Variants in UPP2 observed in about 807,000 individuals in gnomAD.
UPP2 encodes the protein uridine phosphorylase 2, also known as UPase 2.
UPP2 carries 23 observed loss-of-function variants against 26.7 expected under a neutral mutation model. The observed-to-expected ratio is 0.86, with a 90% CI of 0.62 to 1.22. The LOEUF (loss-of-function observed/expected upper bound fraction) is 1.22, where lower values mean the gene tolerates loss of function less well. Ranked by LOEUF, UPP2 falls within the 50% of genes most tolerant of loss-of-function variation. The probability of loss-of-function intolerance (pLI) is 0.00; values close to 1 mark genes in which losing one functional copy is unlikely to be tolerated. For missense variants in UPP2, 387 were observed against 396.7 expected (o/e 0.98, Z 0.21); for synonymous variants, 127 against 141.3 (o/e 0.90, Z 0.72).
intron 5 of UPP2, 109 bp downstream of exon 5, chr2:158,121,727 T>C (rs1191461233): frequency 1.9e-6 from 2 of 1,051,892 alleles, no homozygotes; most frequent in African/African-American, 3.2e-5. Context: ...TTAATATTTG[T>C]GGGTTAAAAA....
chr2:158,067,695 A>G (rs1213838747), intron 3 of UPP2, among the ~76,000 whole-genome samples: 3 of 152,148 alleles, frequency 2.0e-5, no homozygotes, highest in Non-Finnish European at 4.4e-5. Flanking sequence ...CCCCAGAATA[A>G]TTCCTGAAAC....
intron 2 of UPP2, among the ~76,000 whole-genome samples, chr2:158,009,279 T>C (rs560485709): frequency 4.6e-5 from 7 of 152,132 alleles, no homozygotes; most frequent in African/African-American, 1.7e-4. Flanking sequence ...TTCTGCTTTG[T>C]CCTTGAATTC....
intron 3 of UPP2, among the ~76,000 whole-genome samples, chr2:158,096,463 G>C (rs1682986873): frequency 6.6e-6 from 1 of 152,160 alleles, no homozygotes; most frequent in African/African-American, 2.4e-5. Flanking sequence ...GCTGGGCATG[G>C]TGGCACAGGC....
intron 3 of UPP2, among the ~76,000 whole-genome samples, chr2:158,018,862 C>T (rs1683701121): frequency 6.6e-6 from 1 of 152,150 alleles, no homozygotes; most frequent in African/African-American, 2.4e-5. Context: ...TAACAGCTCC[C>T]AGATGTCGAA....
chr2:158,135,141 T>G lies in UPP2; in HGVS notation c.*251T>G. 2 of 345,662 alleles carry G rather than the reference T, an allele frequency of 5.8e-6. No homozygotes were observed. The highest frequency in any genetic ancestry group is 1.2e-4 in the East Asian group (2 of 16,538). The allele number at this position is 345,662 out of a possible 1,614,324, so 21.4% of individuals were successfully genotyped here. ...TAATTAAAATTTTAAAACTCCTGGA[T>G]TATGACATTTGGAGTTTCATATGCA... On this transcript the variant is annotated 3_prime_UTR_variant, in exon 7 of 7. Coordinates refer to ENST00000005756, the MANE Select transcript of UPP2 (RefSeq NM_173355.4).
chr2:158,049,073 C>T (rs1284923632), intron 3 of UPP2, among the ~76,000 whole-genome samples: 1 of 152,186 alleles, frequency 6.6e-6, no homozygotes, highest in African/African-American at 2.4e-5. Flanking sequence ...TCCGCTTGCC[C>T]ACCCCTCATC....
At chr2:158,077,989 C>T (rs184252667) in intron 3 of UPP2, among the ~76,000 whole-genome samples, 103 of 151,932 alleles carry the variant, frequency 6.8e-4, no homozygotes, top group Admixed American at 2.9e-3. Flanking sequence ...ATGGACATTT[C>T]GCAAAAGAAG....
chr2:158,061,222 C>T (rs1429808021), intron 3 of UPP2, among the ~76,000 whole-genome samples: 1 of 152,190 alleles, frequency 6.6e-6, no homozygotes, highest in Non-Finnish European at 1.5e-5. Flanking sequence ...GATCTATCTT[C>T]CCATGTGGCA....
chr2:158,027,718 T>C (rs1160354161), intron 3 of UPP2, among the ~76,000 whole-genome samples: 3 of 152,188 alleles, frequency 2.0e-5, no homozygotes, highest in Admixed American at 1.3e-4. Flanking sequence ...CTAGCAGTAA[T>C]TCTCCATGAG....
At chr2:158,023,581 A>AGCCTG (rs1448428338) in intron 3 of UPP2, among the ~76,000 whole-genome samples, 1 of 152,072 alleles carries the variant, frequency 6.6e-6, no homozygotes, top group African/African-American at 2.4e-5. Context: ...TCAGCAGGAG[A>AGCCTG]GCCTGGCCTG....
At chr2:158,049,723 A>T (rs1454146436) in intron 3 of UPP2, among the ~76,000 whole-genome samples, 1 of 152,232 alleles carries the variant, frequency 6.6e-6, no homozygotes, top group Non-Finnish European at 1.5e-5. Flanking sequence ...CCATTTTAAA[A>T]GATCTCAGTC....
At chr2:158,033,247 G>T (rs1558909447) in intron 3 of UPP2, among the ~76,000 whole-genome samples, 1 of 152,160 alleles carries the variant, frequency 6.6e-6, no homozygotes, top group Non-Finnish European at 1.5e-5. Flanking sequence ...GCCTGGGCAG[G>T]CTGTGTTCCT....
chr2:158,121,705 T>G, intron 5 of UPP2, 87 bp downstream of exon 5: 1 of 1,191,690 alleles, frequency 8.4e-7, no homozygotes, highest in Non-Finnish European at 1.2e-6. Context: ...TTAACAACTC[T>G]ACTTAAGAAA....
intron 2 of UPP2, among the ~76,000 whole-genome samples, chr2:157,998,409 G>T (rs773069214): frequency 6.6e-6 from 1 of 152,156 alleles, no homozygotes; most frequent in Admixed American, 6.5e-5. Context: ...ACTCTACTTC[G>T]AAGGTCAGAA....
At chr2:158,070,622 C>T (rs539651835) in intron 3 of UPP2, among the ~76,000 whole-genome samples, 3 of 152,334 alleles carry the variant, frequency 2.0e-5, no homozygotes, top group African/African-American at 7.2e-5. Flanking sequence ...AGCAAGGTGG[C>T]TAAACAGAAG....
intron 3 of UPP2, among the ~76,000 whole-genome samples, chr2:158,024,330 C>A (rs1683802245): frequency 6.6e-6 from 1 of 152,172 alleles, no homozygotes; most frequent in African/African-American, 2.4e-5. Flanking sequence ...AGCTTTCTTG[C>A]CCCCAAACTG....
At chr2:158,085,309 G>A (rs549616518) in intron 3 of UPP2, among the ~76,000 whole-genome samples, 5 of 152,010 alleles carry the variant, frequency 3.3e-5, no homozygotes, top group Admixed American at 6.6e-5. Flanking sequence ...CTTGGTTGCT[G>A]TTGGTGTATA....
chr2:158,091,206 C>G (rs563702200), intron 3 of UPP2, among the ~76,000 whole-genome samples: 1 of 152,214 alleles, frequency 6.6e-6, no homozygotes, highest in Admixed American at 6.5e-5. Context: ...AAACTGCTGC[C>G]TGGGGATGCT....
intron 3 of UPP2, among the ~76,000 whole-genome samples, chr2:158,017,078 T>A (rs1054524726): frequency 6.6e-6 from 1 of 152,182 alleles, no homozygotes; most frequent in South Asian, 2.1e-4. Context: ...AGTGTGACAT[T>A]TTAAATAAAC....
Sources: gnomAD v4.1 joint callset for allele counts (sites outside exome capture counted in the v4.1 genomes callset) on GRCh38, gnomAD v4.1.1 for gene constraint, MANE v1.5 for transcripts, NCBI Gene and HGNC (gene_info 2026-07-23, HGNC 2026-07-21) for gene names.